The following FGF13 variants were observed in gnomAD, a reference collection of about 807,000 sequenced individuals.
FGF13 encodes fibroblast growth factor homologous factor 2.
FGF13 carries 2 observed loss-of-function variants against 19.5 expected under a neutral mutation model. The ratio of observed to expected loss-of-function variants is 0.10; its 90% CI spans 0.04 to 0.32. The LOEUF (loss-of-function observed/expected upper bound fraction) is 0.32, where lower values mean the gene tolerates loss of function less well. Among genes scored for constraint, FGF13 ranks in the 10% least tolerant of loss-of-function variants. The pLI, the probability that FGF13 is intolerant of heterozygous loss-of-function variation, is 1.00. For synonymous variants in FGF13, 72 were observed against 76.9 expected (o/e 0.94, Z 0.33); for missense variants, 113 against 192.7 (o/e 0.59, Z 2.45).
At chrX:138,639,996 A>T (rs76045382) in intron 3 of FGF13, among the ~76,000 whole-genome samples, 3 of 104,860 alleles carry the variant, frequency 2.9e-5, no homozygotes, top group East Asian at 3.0e-4. Context: ...CCATCTCAAT[A>T]AAAAAAAAAA....
At chrX:138,921,054 AC>A (rs1369011873) in intron 1 of FGF13, among the ~76,000 whole-genome samples, 1 of 111,523 alleles carries the variant, frequency 9.0e-6, no homozygotes, top group Non-Finnish European at 1.9e-5. Flanking sequence ...AAATGATAAA[AC>A]CTACTTCAGA....
chrX:138,918,187 G>C (rs150777105), intron 1 of FGF13, among the ~76,000 whole-genome samples: 3,778 of 109,039 alleles, frequency 0.035, 166 homozygotes, highest in African/African-American at 0.12. Context: ...AGGATTTCCT[G>C]TTTTCTTGTG....
intron 1 of FGF13, among the ~76,000 whole-genome samples, chrX:139,193,112 T>C (rs531875167): frequency 8.1e-5 from 9 of 110,945 alleles, no homozygotes; most frequent in African/African-American, 2.6e-4. Context: ...AATGCATGTG[T>C]GAATCTGTAG....
chrX:138,779,704 T>G (rs2090622574), intron 3 of FGF13, among the ~76,000 whole-genome samples: 1 of 109,804 alleles, frequency 9.1e-6, no homozygotes, highest in Non-Finnish European at 1.9e-5. Flanking sequence ...TACCTGAAAG[T>G]GATGGGGAGA....
intron 1 of FGF13, among the ~76,000 whole-genome samples, chrX:139,147,494 A>C (rs1378470680): frequency 8.9e-6 from 1 of 112,155 alleles, no homozygotes; most frequent in Non-Finnish European, 1.9e-5. Flanking sequence ...ACCTTCAGAC[A>C]TAAAAGGCAT....
chrX:138,962,743 G>C (rs1163079876), intron 1 of FGF13, among the ~76,000 whole-genome samples: 3 of 111,698 alleles, frequency 2.7e-5, no homozygotes, highest in Admixed American at 1.9e-4. Context: ...ACTATCTCAA[G>C]GACAGAAAAC....
upstream of FGF13, chrX:138,714,256 T>A (rs2090080777): frequency 8.9e-6 from 1 of 112,040 alleles, no homozygotes; most frequent in African/African-American, 3.2e-5. Flanking sequence ...CAAAGGCCTG[T>A]GACCAGAGGG....
At chrX:138,865,457 CT>C (rs1482468190) in intron 1 of FGF13, among the ~76,000 whole-genome samples, 31 of 95,253 alleles carry the variant, frequency 3.3e-4, no homozygotes, top group Non-Finnish European at 5.8e-4. Flanking sequence ...TCTCCTCTCT[CT>C]CTCTCTCTCT....
intron 1 of FGF13, among the ~76,000 whole-genome samples, chrX:139,036,994 T>A (rs750992945): frequency 9.9e-5 from 11 of 110,739 alleles, no homozygotes; most frequent in African/African-American, 3.0e-4. Flanking sequence ...ATCACACGGG[T>A]TTCAGTGAGC....
chrX:138,779,889 A>G (rs1392840830), intron 3 of FGF13, among the ~76,000 whole-genome samples: 2 of 106,688 alleles, frequency 1.9e-5, no homozygotes, highest in East Asian at 3.0e-4. Flanking sequence ...GAAATGAAGG[A>G]AAAAATGTTA....
intron 3 of FGF13, among the ~76,000 whole-genome samples, chrX:138,850,762 T>C (rs1170143277): frequency 8.9e-6 from 1 of 112,382 alleles, no homozygotes; most frequent in African/African-American, 3.2e-5. Flanking sequence ...GGTGTACATG[T>C]GTGGGATGTG....
Position 139,147,862 on chromosome X carries a change from GT to G in FGF13, c.-113+55553del, listed in dbSNP as rs34718422. 1.7e-3 allele frequency among the ~76,000 whole-genome samples: 173 copies of G among 100,922 alleles called. 1 individual carries two copies. Among genetic ancestry groups the G allele is most frequent in the African/African-American group, 4.1e-3 (115 of 28,049 alleles). The allele number at this position is 100,922 out of a possible 115,157, so 87.6% of individuals were successfully genotyped here. On this transcript the variant is annotated intron_variant, in intron 1 of 2. Coordinates refer to the FGF13 transcript ENST00000421460. The stretch of plus-strand genomic sequence containing the variant: ...TAGGTTCTTGCAAAAGTAACTCTGG[GT>G]TTTTTTTTTTTGCCATTGAAGGTAA...
chrX:138,822,600 A>C (rs1353533476), intron 3 of FGF13, among the ~76,000 whole-genome samples: 1 of 112,439 alleles, frequency 8.9e-6, no homozygotes, highest in Non-Finnish European at 1.9e-5. Flanking sequence ...GGACAGAGTT[A>C]TTACTGAAAC....
At chrX:138,836,663 A>G (rs371362108) in intron 3 of FGF13, among the ~76,000 whole-genome samples, 2 of 111,832 alleles carry the variant, frequency 1.8e-5, no homozygotes, top group East Asian at 5.7e-4. Flanking sequence ...CTTCATTCCT[A>G]TCCATATTCT....
At chrX:138,788,812 C>A (rs2090715304) in intron 3 of FGF13, among the ~76,000 whole-genome samples, 1 of 111,561 alleles carries the variant, frequency 9.0e-6, no homozygotes, top group Non-Finnish European at 1.9e-5. Flanking sequence ...TATGGACATA[C>A]TGAGAAATTT....
intron 1 of FGF13, among the ~76,000 whole-genome samples, chrX:139,069,585 C>T (rs747755903): frequency 9.4e-6 from 1 of 106,671 alleles, no homozygotes; most frequent in South Asian, 4.4e-4. Context: ...GCTCAATGCG[C>T]ACATGTACCC....
intron 1 of FGF13, among the ~76,000 whole-genome samples, chrX:139,141,866 C>A (rs2083848244): frequency 8.9e-6 from 1 of 112,233 alleles, no homozygotes; most frequent in Admixed American, 9.4e-5. Flanking sequence ...TATTTCTTAA[C>A]TAACTGCTAA....
At chrX:138,888,418 GAGCCCCCAGCCACCTAT>G (rs2091461447) in intron 1 of FGF13, among the ~76,000 whole-genome samples, 1 of 110,802 alleles carries the variant, frequency 9.0e-6, no homozygotes. Flanking sequence ...TCTAGGATTT[GAGCCCCCAGCCACCTAT>G]ATCTATAGCT....
chrX:138,929,872 G>C (rs987157680), intron 1 of FGF13, among the ~76,000 whole-genome samples: 12 of 107,213 alleles, frequency 1.1e-4, no homozygotes, highest in Admixed American at 3.0e-4. Context: ...GTGTGTGTGT[G>C]TGTGTGTGTG....
Sources: gnomAD v4.1 joint callset for allele counts (sites outside exome capture counted in the v4.1 genomes callset) on GRCh38, gnomAD v4.1.1 for gene constraint, MANE v1.5 for transcripts, NCBI Gene and HGNC (gene_info 2026-07-23, HGNC 2026-07-21) for gene names.